FOXP2: variants seen among roughly 807,000 people sequenced by gnomAD.
The protein encoded by FOXP2 is forkhead box P2, also known as forkhead box protein P2.
Under a neutral mutation model 115.8 loss-of-function variants are expected in FOXP2, and 12 were observed. That is an observed-to-expected ratio of 0.10 (90% CI 0.07 to 0.17). The LOEUF is 0.17. Among genes scored for constraint, FOXP2 ranks in the 10% least tolerant of loss-of-function variants. The pLI, the probability that FOXP2 is intolerant of heterozygous loss-of-function variation, is 1.00. For synonymous variants in FOXP2, 328 were observed against 297.7 expected (o/e 1.10, Z -1.05); for missense variants, 629 against 843.5 (o/e 0.75, Z 3.15).
chr7:114,465,137 T>G (rs534561043), intron 2 of FOXP2, among the ~76,000 whole-genome samples: 62 of 152,306 alleles, frequency 4.1e-4, no homozygotes, highest in Non-Finnish European at 7.9e-4. Flanking sequence ...ATTACTTAAT[T>G]ATTTTTAAAT....
upstream of FOXP2, among the ~76,000 whole-genome samples, chr7:114,410,120 C>G (rs1394145352): frequency 6.6e-6 from 1 of 152,102 alleles, no homozygotes; most frequent in African/African-American, 2.4e-5. Flanking sequence ...TCTTTGTTCT[C>G]TCAGCTATTA....
chr7:114,086,376 G>A, upstream of FOXP2: 1 of 396,262 alleles, frequency 2.5e-6, no homozygotes, highest in Admixed American at 2.9e-5. Flanking sequence ...CCGCCGCTTC[G>A]CCCTAGCTCT....
At chr7:114,255,939 C>T (rs981463787) in intron 1 of FOXP2, among the ~76,000 whole-genome samples, 2 of 152,144 alleles carry the variant, frequency 1.3e-5, no homozygotes, top group African/African-American at 2.4e-5. Context: ...GGAACCGCCC[C>T]GGTTCTAGGT....
chr7:114,656,599 G>A (rs1229287943), intron 10 of FOXP2: 16 of 385,164 alleles, frequency 4.2e-5, no homozygotes, highest in East Asian at 4.0e-4. Flanking sequence ...ATTTATGTAC[G>A]TAACAAAGAA....
chr7:114,601,539 T>C (rs1659348813), intron 3 of FOXP2, among the ~76,000 whole-genome samples: 6 of 152,142 alleles, frequency 3.9e-5, no homozygotes, highest in Admixed American at 3.9e-4. Flanking sequence ...GGTTTTCATT[T>C]ACTGTTCCTT....
chr7:114,321,325 A>C (rs1797417398), intron 2 of FOXP2, among the ~76,000 whole-genome samples: 1 of 151,774 alleles, frequency 6.6e-6, no homozygotes, highest in Non-Finnish European at 1.5e-5. Flanking sequence ...CAGCCTCTCG[A>C]GTAGCTGGGA....
intron 1 of FOXP2, among the ~76,000 whole-genome samples, chr7:114,108,510 A>G (rs535263765): frequency 9.9e-5 from 15 of 151,934 alleles, no homozygotes; most frequent in Non-Finnish European, 2.2e-4. Flanking sequence ...CTGATTTTTA[A>G]AACTGCCATT....
intron 2 of FOXP2, among the ~76,000 whole-genome samples, chr7:114,434,147 C>T (rs1794234217): frequency 6.6e-6 from 1 of 151,834 alleles, no homozygotes. Context: ...ACTCTCAACA[C>T]TTCAATGTTA....
chr7:114,120,283 A>T (rs1791522885), intron 1 of FOXP2, among the ~76,000 whole-genome samples: 1 of 152,168 alleles, frequency 6.6e-6, no homozygotes, highest in Non-Finnish European at 1.5e-5. Context: ...TGCTAGGAGA[A>T]GAGAGATAAG....
At chr7:114,182,779 AATT>A (rs1263997692) in intron 1 of FOXP2, among the ~76,000 whole-genome samples, 23 of 152,102 alleles carry the variant, frequency 1.5e-4, no homozygotes, top group African/African-American at 5.3e-4. Flanking sequence ...TGTTCAATCG[AATT>A]ATTATACTAC....
chr7:114,303,454 A>G (rs1238978525), intron 2 of FOXP2, among the ~76,000 whole-genome samples: 1 of 152,112 alleles, frequency 6.6e-6, no homozygotes, highest in Non-Finnish European at 1.5e-5. Context: ...TGTTAGTAGA[A>G]GGCTTGTTTG....
At chr7:114,458,245 A>G (rs925711841) in intron 2 of FOXP2, among the ~76,000 whole-genome samples, 3 of 152,160 alleles carry the variant, frequency 2.0e-5, no homozygotes, top group African/African-American at 7.2e-5. Context: ...AAATAGGTAT[A>G]GTTATATGTA....
intron 2 of FOXP2, among the ~76,000 whole-genome samples, chr7:114,472,766 T>C (rs529043120): frequency 2.0e-5 from 3 of 152,314 alleles, no homozygotes; most frequent in African/African-American, 7.2e-5. Flanking sequence ...TTCCTTTTTA[T>C]AGTTTGCTAA....
intron 2 of FOXP2, among the ~76,000 whole-genome samples, chr7:114,512,501 A>G (rs1003459171): frequency 9.9e-5 from 15 of 152,176 alleles, no homozygotes; most frequent in Non-Finnish European, 5.9e-5. Flanking sequence ...AAGTGGCTCC[A>G]TGTAACAGTT....
chr7:114,296,133 T>C (rs944590477), intron 2 of FOXP2, among the ~76,000 whole-genome samples: 2 of 152,192 alleles, frequency 1.3e-5, no homozygotes, highest in Admixed American at 1.3e-4. Context: ...AATATTTAGG[T>C]TTTTCAGTAC....
chr7:114,458,842 T>C (rs1310864370), intron 2 of FOXP2, among the ~76,000 whole-genome samples: 1 of 152,174 alleles, frequency 6.6e-6, no homozygotes, highest in Non-Finnish European at 1.5e-5. Context: ...TAAAAAACCA[T>C]ACTAAACTTA....
chr7:114,098,661 G>A (rs562767156), intron 1 of FOXP2, among the ~76,000 whole-genome samples: 71 of 152,210 alleles, frequency 4.7e-4, no homozygotes, highest in Non-Finnish European at 9.1e-4. Context: ...CCTTGGCAAT[G>A]ATTTTTTTTG....
intron 2 of FOXP2, among the ~76,000 whole-genome samples, chr7:114,373,645 T>C (rs939408680): frequency 2.0e-5 from 3 of 152,190 alleles, no homozygotes; most frequent in African/African-American, 7.2e-5. Context: ...AACCTTTCCT[T>C]GTAGAATAAA....
chr7:114,553,786 A>G (rs1464476890), intron 3 of FOXP2, among the ~76,000 whole-genome samples: 1 of 152,130 alleles, frequency 6.6e-6, no homozygotes, highest in East Asian at 1.9e-4. Flanking sequence ...ATTTTGAAAT[A>G]TTTGCTAAAC....
Sources: gnomAD v4.1 joint callset for allele counts (sites outside exome capture counted in the v4.1 genomes callset) on GRCh38, gnomAD v4.1.1 for gene constraint, MANE v1.5 for transcripts, NCBI Gene and HGNC (gene_info 2026-07-23, HGNC 2026-07-21) for gene names.